Variants in FARS2 observed in about 807,000 individuals in gnomAD.
FARS2 encodes the protein phenylalanyl-tRNA synthetase 2, mitochondrial.
FARS2 carries 40 observed loss-of-function variants against 46.4 expected under a neutral mutation model. The observed-to-expected ratio is 0.86, with a 90% CI of 0.67 to 1.12. The LOEUF is 1.12. Ranked by LOEUF, FARS2 falls within the 50% of genes most tolerant of loss-of-function variation. The pLI is 0.00. For synonymous variants in FARS2, 234 were observed against 214.9 expected (o/e 1.09, Z -0.78); for missense variants, 513 against 567.9 (o/e 0.90, Z 0.98).
chr6:5,423,234 C>T (rs755308670), intron 3 of FARS2, among the ~76,000 whole-genome samples: 10 of 151,924 alleles, frequency 6.6e-5, no homozygotes, highest in Admixed American at 3.9e-4. Context: ...TGCCTGAGGC[C>T]GGGATGCTAT....
intron 6 of FARS2, among the ~76,000 whole-genome samples, chr6:5,761,482 G>A (rs1045409734): frequency 1.3e-5 from 2 of 152,202 alleles, no homozygotes; most frequent in South Asian, 2.1e-4. Flanking sequence ...AGTTGGAAAC[G>A]TAGCACTTCA....
At chr6:5,404,921 T>A (rs1761477922) in intron 3 of FARS2, among the ~76,000 whole-genome samples, 1 of 151,810 alleles carries the variant, frequency 6.6e-6, no homozygotes, top group Admixed American at 6.6e-5. Context: ...TGCCTCAGCC[T>A]CTGAGTAGCT....
At chr6:5,337,156 T>C (rs1771217848) in intron 1 of FARS2, among the ~76,000 whole-genome samples, 1 of 150,544 alleles carries the variant, frequency 6.6e-6, no homozygotes, top group African/African-American at 2.4e-5. Flanking sequence ...TATATGTATG[T>C]GTGTGTGTAT....
At chr6:5,543,749 G>C (rs911869887) in intron 4 of FARS2, among the ~76,000 whole-genome samples, 1 of 152,104 alleles carries the variant, frequency 6.6e-6, no homozygotes, top group Non-Finnish European at 1.5e-5. Flanking sequence ...AGTCCTGCCT[G>C]TATCTCCAGA....
intron 5 of FARS2, among the ~76,000 whole-genome samples, chr6:5,593,299 C>A (rs1269091968): frequency 6.8e-6 from 1 of 146,734 alleles, no homozygotes; most frequent in South Asian, 2.1e-4. Flanking sequence ...ACCTCCCGCC[C>A]CCACCGGCCT....
intron 4 of FARS2, among the ~76,000 whole-genome samples, chr6:5,494,189 C>G (rs974953123): frequency 2.7e-5 from 4 of 148,640 alleles, no homozygotes; most frequent in African/African-American, 9.9e-5. Flanking sequence ...AGGGTATATA[C>G]TCAGAGTTTA....
intron 4 of FARS2, among the ~76,000 whole-genome samples, chr6:5,513,285 A>G (rs898702371): frequency 6.6e-6 from 1 of 152,172 alleles, no homozygotes; most frequent in Admixed American, 6.5e-5. Flanking sequence ...ACTCTGGGGA[A>G]AGGAGCTGAG....
At chr6:5,752,974 G>T (rs1223100183) in intron 6 of FARS2, among the ~76,000 whole-genome samples, 2 of 152,146 alleles carry the variant, frequency 1.3e-5, no homozygotes, top group Non-Finnish European at 2.9e-5. Context: ...GGGTGAACTG[G>T]CAAGTCATGA....
intron 6 of FARS2, among the ~76,000 whole-genome samples, chr6:5,640,730 C>T (rs564674636): frequency 6.6e-6 from 1 of 152,184 alleles, no homozygotes; most frequent in Non-Finnish European, 1.5e-5. Flanking sequence ...GACACCTGAC[C>T]CATACCACAT....
chr6:5,379,827 C>G (rs895060803), intron 2 of FARS2, among the ~76,000 whole-genome samples: 1 of 152,182 alleles, frequency 6.6e-6, no homozygotes, highest in South Asian at 2.1e-4. Context: ...CCTTCCTTTG[C>G]CATGTCCCTC....
chr6:5,533,143 C>T (rs141093620), intron 4 of FARS2, among the ~76,000 whole-genome samples: 3 of 152,248 alleles, frequency 2.0e-5, no homozygotes, highest in African/African-American at 7.2e-5. Context: ...ACTTGCGACG[C>T]TGTGCCTGCT....
chr6:5,696,878 C>G (rs1211655047), intron 6 of FARS2, among the ~76,000 whole-genome samples: 1 of 152,176 alleles, frequency 6.6e-6, no homozygotes, highest in Non-Finnish European at 1.5e-5. Context: ...CCCATGTTGA[C>G]AGATAAAACT....
intron 6 of FARS2, among the ~76,000 whole-genome samples, chr6:5,699,580 T>A (rs1341232663): frequency 6.6e-6 from 1 of 151,796 alleles, no homozygotes; most frequent in Non-Finnish European, 1.5e-5. Context: ...CGATCTCGGC[T>A]CACTGCAACC....
chr6:5,745,545 C>A (rs1761588176), intron 6 of FARS2, among the ~76,000 whole-genome samples: 1 of 152,118 alleles, frequency 6.6e-6, no homozygotes, highest in African/African-American at 2.4e-5. Context: ...ATCGATGAGT[C>A]TTTTTTATTT....
intron 3 of FARS2, among the ~76,000 whole-genome samples, chr6:5,411,627 A>C (rs188230244): frequency 9.2e-4 from 140 of 152,282 alleles, no homozygotes; most frequent in East Asian, 3.5e-3. Context: ...GCAAAATTAA[A>C]AATTAGAACA....
intron 6 of FARS2, among the ~76,000 whole-genome samples, chr6:5,677,403 C>T (rs953539595): frequency 1.3e-5 from 2 of 152,226 alleles, no homozygotes; most frequent in African/African-American, 4.8e-5. Flanking sequence ...CTCGCCCCTT[C>T]ACACTGTAAT....
intron 6 of FARS2, among the ~76,000 whole-genome samples, chr6:5,651,497 A>G (rs1217238807): frequency 1.3e-5 from 2 of 152,226 alleles, no homozygotes; most frequent in Admixed American, 6.5e-5. Flanking sequence ...GAAGTAAGCT[A>G]AGACAAGATC....
At chr6:5,736,133 C>T (rs1391570109) in intron 6 of FARS2, among the ~76,000 whole-genome samples, 1 of 152,164 alleles carries the variant, frequency 6.6e-6, no homozygotes, top group Non-Finnish European at 1.5e-5. Context: ...CTCAGTCAGT[C>T]GGCTGTGCCA....
chr6:5,672,666 G>GC (rs1239998846), intron 6 of FARS2, among the ~76,000 whole-genome samples: 4 of 152,122 alleles, frequency 2.6e-5, no homozygotes, highest in Non-Finnish European at 4.4e-5. Context: ...CCCCTTGCGA[G>GC]CCCCCCTTAA....
Sources: gnomAD v4.1 joint callset for allele counts (sites outside exome capture counted in the v4.1 genomes callset) on GRCh38, gnomAD v4.1.1 for gene constraint, MANE v1.5 for transcripts, NCBI Gene and HGNC (gene_info 2026-07-23, HGNC 2026-07-21) for gene names.